Variants in NUP107 observed in about 807,000 individuals in gnomAD.
NUP107 encodes the protein nuclear pore complex protein Nup107.
Under a neutral mutation model 141.0 loss-of-function variants are expected in NUP107, and 101 were observed. The ratio of observed to expected loss-of-function variants is 0.72; its 90% CI spans 0.61 to 0.84. NUP107 has a LOEUF of 0.84. NUP107 is among the 40% of genes least tolerant of loss of function. The pLI is 0.00. For missense variants in NUP107, 941 were observed against 1,102.7 expected, an observed-to-expected ratio of 0.85 and a Z score of 2.08; for synonymous variants, 319 against 363.9, an observed-to-expected ratio of 0.88 and a Z score of 1.41.
intron 8 of NUP107, chr12:68,706,627 C>T (rs1876594493): frequency 4.2e-6 from 3 of 708,428 alleles, no homozygotes; most frequent in South Asian, 1.5e-5. Flanking sequence ...TCCCTGGAGG[C>T]CGCCATCGCA....
At chr12:68,738,372 C>T (rs1340736961) in intron 26 of NUP107, among the ~76,000 whole-genome samples, 1 of 150,256 alleles carries the variant, frequency 6.7e-6, no homozygotes, top group Admixed American at 6.6e-5. Context: ...ATCGATTGAA[C>T]CCAGGGAGGC....
chr12:68,689,867 G>C (rs1301380047), intron 3 of NUP107: 1 of 412,160 alleles, frequency 2.4e-6, no homozygotes, highest in African/African-American at 2.1e-5. Flanking sequence ...ACTTAGAGAA[G>C]TTAACTAATA....
At chr12:68,698,406 A>G (rs751150394) in intron 6 of NUP107, among the ~76,000 whole-genome samples, 3 of 152,246 alleles carry the variant, frequency 2.0e-5, no homozygotes, top group Non-Finnish European at 4.4e-5. Context: ...GTTTCATACA[A>G]AACTAAACAT....
intron 11 of NUP107, among the ~76,000 whole-genome samples, chr12:68,714,646 T>C (rs1186788179): frequency 6.6e-6 from 1 of 152,236 alleles, no homozygotes; most frequent in Non-Finnish European, 1.5e-5. Flanking sequence ...TTGAGTCACA[T>C]TAAAATTGTT....
At chr12:68,737,428 G>T (rs936643816) in intron 26 of NUP107, among the ~76,000 whole-genome samples, 1 of 150,910 alleles carries the variant, frequency 6.6e-6, no homozygotes, top group Non-Finnish European at 1.5e-5. Flanking sequence ...TTAGCCTGGT[G>T]TGGTGGTGCA....
chr12:68,719,854 A>C (rs1394208331), intron 14 of NUP107, among the ~76,000 whole-genome samples, 200 bp downstream of exon 14: 2 of 152,220 alleles, frequency 1.3e-5, no homozygotes, highest in Non-Finnish European at 2.9e-5. Flanking sequence ...AAGGCAGAAA[A>C]GTAAAGGAGG....
At chr12:68,719,730 A>G in intron 14 of NUP107, 76 bp downstream of exon 14, 4 of 1,046,312 alleles carry the variant, frequency 3.8e-6, no homozygotes, top group Non-Finnish European at 3.0e-6. Flanking sequence ...GCTGTGAAAC[A>G]TTGAAAGTAG....
chr12:68,730,267 G>A (rs996940658), intron 20 of NUP107, among the ~76,000 whole-genome samples: 1 of 130,418 alleles, frequency 7.7e-6, no homozygotes, highest in Admixed American at 9.2e-5. Flanking sequence ...AGGCCGGAAT[G>A]TGGAGTGTGG....
At chr12:68,725,835 G>GTT (rs373156654) in intron 18 of NUP107, 39 bp downstream of exon 18, 347 of 693,022 alleles carry the variant, frequency 5.0e-4, no homozygotes, top group Non-Finnish European at 6.5e-4. Flanking sequence ...TTTTTTGTGT[G>GTT]TGTTTTTTTT....
chr12:68,705,215 G>T (rs1230627374), intron 8 of NUP107, among the ~76,000 whole-genome samples: 1 of 152,142 alleles, frequency 6.6e-6, no homozygotes, highest in Non-Finnish European at 1.5e-5. Context: ...TAGGAAGACT[G>T]TCATATTTGG....
chr12:68,735,909 G>T (rs952107025), intron 26 of NUP107, among the ~76,000 whole-genome samples: 1 of 152,196 alleles, frequency 6.6e-6, no homozygotes, highest in Admixed American at 6.5e-5. Flanking sequence ...TATTTTCTGA[G>T]TCCAGGAAAA....
chr12:68,719,081 GT>G (rs1877240268), intron 12 of NUP107, among the ~76,000 whole-genome samples: 1 of 152,098 alleles, frequency 6.6e-6, no homozygotes, highest in Non-Finnish European at 1.5e-5. Flanking sequence ...TAGAGATGGG[GT>G]TTCACCATGT....
intron 14 of NUP107, among the ~76,000 whole-genome samples, chr12:68,720,689 A>G (rs534622280): frequency 9.7e-4 from 148 of 152,342 alleles, no homozygotes; most frequent in African/African-American, 3.3e-3. Context: ...AGTTAGTTCT[A>G]TGTAGGAATT....
At chr12:68,689,086 A>T (rs1356942835) in intron 2 of NUP107, 33 bp downstream of exon 2, 1 of 1,520,934 alleles carries the variant, frequency 6.6e-7, no homozygotes. Flanking sequence ...CATTATAAAA[A>T]TTGTAACATG....
intron 23 of NUP107, among the ~76,000 whole-genome samples, chr12:68,732,977 C>T (rs1355793387): frequency 6.6e-6 from 1 of 152,144 alleles, no homozygotes; most frequent in Admixed American, 6.5e-5. Flanking sequence ...ACCACCACAC[C>T]CAGATTTTTT....
At chr12:68,729,426 C>CT (rs931662058) in intron 20 of NUP107, among the ~76,000 whole-genome samples, 13 of 150,272 alleles carry the variant, frequency 8.7e-5, no homozygotes, top group African/African-American at 1.5e-4. Context: ...TATGACATAC[C>CT]TTTTTTTTTA....
chr12:68,720,911 A>G (rs1189503438), intron 14 of NUP107, among the ~76,000 whole-genome samples: 1 of 152,122 alleles, frequency 6.6e-6, no homozygotes, highest in Non-Finnish European at 1.5e-5. Flanking sequence ...TAAATGTTTT[A>G]CTTTTTCCTC....
chr12:68,720,098 A>G (rs1877292350), intron 14 of NUP107, among the ~76,000 whole-genome samples: 1 of 152,198 alleles, frequency 6.6e-6, no homozygotes, highest in Non-Finnish European at 1.5e-5. Flanking sequence ...TTGTAACACG[A>G]CATAGGTATT....
chr12:68,730,960 C>A, intron 20 of NUP107, 150 bp from the exon 21 acceptor site: 1 of 484,940 alleles, frequency 2.1e-6, no homozygotes, highest in Admixed American at 3.9e-5. Context: ...AGAGTGAGAC[C>A]CTGTCTCAAA....
Sources: allele counts gnomAD v4.1 joint callset (sites outside exome capture counted in the v4.1 genomes callset), GRCh38; gene constraint gnomAD v4.1.1; transcripts MANE v1.5; gene names NCBI Gene and HGNC (gene_info 2026-07-23, HGNC 2026-07-21).